MYO7B: variants seen among roughly 807,000 people sequenced by gnomAD.
MYO7B encodes the protein myosin VIIB, also known as unconventional myosin-VIIb.
In MYO7B, 212 loss-of-function variants were observed where a neutral mutation model predicts 259.7. The observed-to-expected ratio is 0.82, with a 90% CI of 0.73 to 0.91. The LOEUF is 0.91. MYO7B is among the 40% of genes least tolerant of loss of function. The pLI, the probability that MYO7B is intolerant of heterozygous loss-of-function variation, is 0.00. For missense variants in MYO7B, 2,732 were observed against 2,813.5 expected (o/e 0.97, Z 0.66); for synonymous variants, 1,197 against 1,166.4 (o/e 1.03, Z -0.54).
At chr2:127,624,429 A>C in intron 30 of MYO7B, 109 bp downstream of exon 30, 1 of 984,360 alleles carries the variant, frequency 1.0e-6, no homozygotes, top group Non-Finnish European at 1.5e-6. Flanking sequence ...GGGGGGCAGG[A>C]AAGGGGGTCA....
At chr2:127,621,839 A>G (rs181024288) in intron 27 of MYO7B, 143 bp from the exon 28 acceptor site, 25 of 1,237,594 alleles carry the variant, frequency 2.0e-5, no homozygotes, top group Middle Eastern at 1.9e-4. Flanking sequence ...ACACTGATCC[A>G]TGTTCCTTCT....
chr2:127,595,076 G>A (rs1002844125), intron 18 of MYO7B, among the ~76,000 whole-genome samples: 2 of 152,194 alleles, frequency 1.3e-5, no homozygotes, highest in African/African-American at 4.8e-5. Context: ...ACTTCTGGTA[G>A]AATTCAGCTG....
At position 127,615,859 on chromosome 2, in the gene MYO7B, G is replaced by A. The variant is rs1441700362; in HGVS notation, c.3398+3256G>A. Among the ~76,000 whole-genome samples the A allele has an allele frequency of 1.3e-5, 2 of 152,056 alleles. No individual in the cohort carries two copies. Among genetic ancestry groups the A allele is most frequent in the African/African-American group, 4.8e-5 (2 of 41,382 alleles). On this transcript the variant is annotated intron_variant, in intron 26 of 47. Transcript: ENST00000409816. This position sits in a 1 kb window ranked among gnomAD's most constrained non-coding sequence, Gnocchi z 4.4. ...CCAGTTGGTGGTTTGTTCCGTCTTC[G>A]CATTCAGCTGGTACTGGGGGAACCA...
Position 127,559,730 on chromosome 2 carries a change from G to T in MYO7B, c.8G>T (p.Gly3Val), listed in dbSNP as rs748840608. ...TGGAACTGCTGACTCAGGATGTCGG[G>T]GTTCAGGCTGGTAAGAATTGTATGA... MS[G>V]FRLGDHVWLE... Residue 3 changes from glycine to valine, a missense_variant, in exon 2 of 48, where the codon GGG (glycine) becomes GTG (valine). By Grantham distance (109) the Gly-to-Val change is moderately radical (BLOSUM62 -3). Coordinates refer to ENST00000409816, the MANE Select transcript of MYO7B (RefSeq NM_001393586.1). This position sits in a 1 kb window ranked among gnomAD's most constrained non-coding sequence, Gnocchi z 4.1. 3 of 1,613,954 alleles carry T rather than the reference G, an allele frequency of 1.9e-6. No homozygotes were observed. Among genetic ancestry groups the T allele is most frequent in the South Asian group, 1.1e-5 (1 of 91,082 alleles).
At position 127,636,767 on chromosome 2, in the gene MYO7B, C is replaced by A; in HGVS notation, c.6208-27C>A. On this transcript the variant is annotated intron_variant, in intron 46 of 47. Coordinates refer to ENST00000409816, the MANE Select transcript of MYO7B (RefSeq NM_001393586.1). The surrounding 1 kb of genome is among the most constrained non-coding windows in gnomAD (Gnocchi z 4.5). ...ACAGAGCCCGTGCTCTGGAGGCGTC[C>A]GGCCCACCCACCCTCTCTGCCCCCA... 2 of 1,610,598 alleles carry A rather than the reference C, an allele frequency of 1.2e-6. No homozygotes were observed. Among genetic ancestry groups the A allele is most frequent in the Non-Finnish European group, 1.7e-6 (2 of 1,177,736 alleles).
At chr2:127,635,684 G>C (rs1403059379) in intron 43 of MYO7B, 38 bp from the exon 44 acceptor site, 1 of 1,560,778 alleles carries the variant, frequency 6.4e-7, no homozygotes. Flanking sequence ...GTGGGCCGCA[G>C]CTGGAGACCC....
intron 3 of MYO7B, among the ~76,000 whole-genome samples, chr2:127,564,845 G>A (rs1428663850): frequency 1.3e-5 from 2 of 152,236 alleles, no homozygotes; most frequent in African/African-American, 4.8e-5. Context: ...CTATTTGTGT[G>A]ACACTGTAGT....
At chr2:127,561,572 A>T (rs1245959682) in intron 2 of MYO7B, among the ~76,000 whole-genome samples, 1 of 152,126 alleles carries the variant, frequency 6.6e-6, no homozygotes, top group East Asian at 1.9e-4. Context: ...CAGAGGGCCC[A>T]TGTGGTTGTT....
Position 127,564,181 on chromosome 2 carries a change from C to A in MYO7B, c.47C>A (p.Ser16Tyr). The A allele has an allele frequency of 6.4e-7, 1 of 1,572,354 alleles. No homozygotes were observed. The highest frequency in any genetic ancestry group is 1.2e-5 in the South Asian group (1 of 85,264). The change falls in exon 3 of 48, where the codon TCC becomes TAC. Residue 16 changes from serine (S) to tyrosine (Y), a missense_variant. By Grantham distance (144) the Ser-to-Tyr change is moderately radical (BLOSUM62 -2). This residue lies in a region of MYO7B where 1,906 missense variants were observed against 2,026.4 expected (regional missense o/e 0.94). Transcript: ENST00000409816. Reference sequence around the variant, plus strand: ...GACCACGTGTGGCTGGAGCCTCCCTCCACCCACAAGACCGGCGTGGCCATC... The same window carrying A: ...GACCACGTGTGGCTGGAGCCTCCCTACACCCACAAGACCGGCGTGGCCATC... ...LGDHVWLEPPSTHKTGVAIGG... is the reference protein window; with the variant it reads ...LGDHVWLEPPYTHKTGVAIGG...
In MYO7B at chr2:127,590,084, A is replaced by G. The variant is rs1256702657; in HGVS notation, c.1855-8A>G. 6.4e-7 allele frequency: 1 copy of G among 1,568,680 alleles called. No individual in the cohort carries two copies. On this transcript the variant is annotated splice_region_variant and splice_polypyrimidine_tract_variant and intron_variant, in intron 15 of 47. Coordinates refer to ENST00000409816, the MANE Select transcript of MYO7B (RefSeq NM_001393586.1). This position sits in a 1 kb window ranked among gnomAD's most constrained non-coding sequence, Gnocchi z 4.6. ...AGACCCACTTGTGCTCTGTGCTTCCATTCACAGTCTGCAGACTCAAATAAA... is the reference window on the plus strand; with the variant it reads ...AGACCCACTTGTGCTCTGTGCTTCCGTTCACAGTCTGCAGACTCAAATAAA...
In MYO7B at chr2:127,615,583, T is replaced by C. The variant is rs1161504642; in HGVS notation, c.3398+2980T>C. On this transcript the variant is annotated intron_variant, in intron 26 of 47. Transcript: ENST00000409816. The surrounding 1 kb of genome is among the most constrained non-coding windows in gnomAD (Gnocchi z 4.4). ...CATAGTATTACTAACAGGCTTCAGG[T>C]GTGCCCTGTAGATAATCACAAGAAA... Among the ~76,000 whole-genome samples, 1 of 152,104 alleles carries C rather than the reference T, an allele frequency of 6.6e-6. No individual in the cohort carries two copies. The highest frequency in any genetic ancestry group is 1.5e-5 in the Non-Finnish European group (1 of 68,022).
intron 2 of MYO7B, among the ~76,000 whole-genome samples, chr2:127,562,531 C>A (rs1253764703): frequency 1.5e-5 from 2 of 130,104 alleles, no homozygotes; most frequent in African/African-American, 5.8e-5. Flanking sequence ...CACTGTTGCC[C>A]ATGCTGTTGT....
At position 127,608,835 on chromosome 2, in the gene MYO7B, C is replaced by G. The variant is rs1471898286; in HGVS notation, c.2771C>G (p.Ala924Gly). 2 of 1,613,360 alleles carry G rather than the reference C, an allele frequency of 1.2e-6. No homozygotes were observed. The highest frequency in any genetic ancestry group is 1.7e-6 in the Non-Finnish European group (2 of 1,179,842). Residue 924 changes from alanine to glycine, a missense_variant, in exon 22 of 48, where the codon GCC becomes GGC. By Grantham distance (60) the Ala-to-Gly change is moderately conservative. Transcript: ENST00000409816. ...MVEKVFGFLP[A>G]MIGGQEGQAS... ...GAGAAGGTGTTCGGCTTCCTCCCTGCCATGATTGGGGGCCAGGAGGGCCAG... is the reference window on the plus strand; with the variant it reads ...GAGAAGGTGTTCGGCTTCCTCCCTGGCATGATTGGGGGCCAGGAGGGCCAG...
At chr2:127,633,991 A>G (rs954065659) in intron 40 of MYO7B, among the ~76,000 whole-genome samples, 185 bp from the exon 41 acceptor site, 1 of 152,242 alleles carries the variant, frequency 6.6e-6, no homozygotes, top group Non-Finnish European at 1.5e-5. Flanking sequence ...AGGACAGCGA[A>G]TGCTGGGACT....
intron 1 of MYO7B, among the ~76,000 whole-genome samples, chr2:127,537,699 GAGGAGGAGGGGGAGGAGAAGGAGA>G (rs1048510190): frequency 2.0e-5 from 3 of 151,722 alleles, no homozygotes; most frequent in African/African-American, 7.3e-5. Flanking sequence ...AGAAGAGGAG[GAGGAGGAGGGGGAGGAGAAGGAGA>G]AGGAGGAGGA....
intron 40 of MYO7B, 94 bp downstream of exon 40, chr2:127,633,457 C>A: frequency 7.9e-7 from 1 of 1,266,302 alleles, no homozygotes; most frequent in African/African-American, 1.5e-5. Flanking sequence ...TTGGTAACCC[C>A]AGAGAGCCTT....
At chr2:127,630,708 G>C (rs528232363) in intron 35 of MYO7B, 70 bp from the exon 36 acceptor site, 2 of 1,590,114 alleles carry the variant, frequency 1.3e-6, no homozygotes, top group African/African-American at 1.3e-5. Flanking sequence ...CTGCCAGGCC[G>C]GGAGGAGCCT....
intron 19 of MYO7B, among the ~76,000 whole-genome samples, chr2:127,601,670 T>C (rs1380087967): frequency 6.6e-6 from 1 of 152,230 alleles, no homozygotes; most frequent in Non-Finnish European, 1.5e-5. Context: ...CCTTTTACTT[T>C]CGGCCTACCT....
intron 9 of MYO7B, among the ~76,000 whole-genome samples, chr2:127,580,437 G>A (rs1015304931): frequency 1.5e-4 from 23 of 152,244 alleles, no homozygotes; most frequent in Non-Finnish European, 2.8e-4. Context: ...AGTGTCTGCT[G>A]TGTTTCCCAA....
Sources: gnomAD v4.1 joint callset for allele counts (sites outside exome capture counted in the v4.1 genomes callset) on GRCh38, gnomAD v4.1.1 for gene constraint, gnomAD v4.1.1 regional missense constraint, Gnocchi (gnomAD v3.1) non-coding constraint, MANE v1.5 for transcripts, NCBI Gene and HGNC (gene_info 2026-07-23, HGNC 2026-07-21) for gene names.